ADAMTS7: variants seen among roughly 807,000 people sequenced by gnomAD.
ADAMTS7 encodes ADAM metallopeptidase with thrombospondin type 1 motif 7.
In ADAMTS7, 89 loss-of-function variants were observed where a neutral mutation model predicts 172.6. The ratio of observed to expected loss-of-function variants is 0.52; its 90% CI spans 0.43 to 0.61. The LOEUF (loss-of-function observed/expected upper bound fraction) is 0.61. Among genes scored for constraint, ADAMTS7 ranks in the 20% least tolerant of loss-of-function variants. The pLI, the probability that ADAMTS7 is intolerant of heterozygous loss-of-function variation, is 0.00. For missense variants in ADAMTS7, 1,973 were observed against 2,355.6 expected (o/e 0.84, Z 3.36); for synonymous variants, 885 against 978.4 (o/e 0.90, Z 1.78).
In ADAMTS7 at chr15:78,767,698, A is replaced by C. The variant is rs2055179988; in HGVS notation, c.2646-106T>G. 8 of 1,092,162 alleles carry C rather than the reference A, an allele frequency of 7.3e-6. No homozygotes were observed. In the East Asian group the frequency reaches 2.1e-4, roughly 28 times the overall value. 67.7% of individuals were successfully genotyped at this position (1,092,162 alleles called of 1,614,324 possible). ...GCTTCCAGGCCCTCGGCATTTGGGT[A>C]GAGCTGGGACTGAGGCCAGTGGTTG... On this transcript the variant is annotated intron_variant, in intron 17 of 23. Coordinates refer to ENST00000388820, the MANE Select transcript of ADAMTS7 (RefSeq NM_014272.5).
rs2055667715 is a variant in ADAMTS7, at chr15:78,797,934, G to A, written c.622+14C>T. The A allele has an allele frequency of 1.9e-6, 3 of 1,593,756 alleles. No individual in the cohort carries two copies. The highest frequency in any genetic ancestry group is 1.7e-6 in the Non-Finnish European group (2 of 1,173,684). ...CCCAGCACCCACCCGAGAACTGGGA[G>A]CAGAAGAGCATACCTTGCACTCCAC... On this transcript the variant is annotated intron_variant, in intron 3 of 23. Coordinates refer to ENST00000388820, the MANE Select transcript of ADAMTS7 (RefSeq NM_014272.5).
chr15:78,802,200 G>C (rs185888705), intron 1 of ADAMTS7, among the ~76,000 whole-genome samples: 11 of 152,086 alleles, frequency 7.2e-5, no homozygotes, highest in Admixed American at 7.2e-4. Flanking sequence ...TCCTTTTTTG[G>C]TATTTATTGA....
intron 6 of ADAMTS7, 72 bp downstream of exon 6, chr15:78,790,598 C>T: frequency 6.3e-7 from 1 of 1,586,118 alleles, no homozygotes; most frequent in Non-Finnish European, 8.6e-7. Context: ...CCCTCCTCCA[C>T]CAGGGCTTCT....
At position 78,797,460 on chromosome 15, in the gene ADAMTS7, C is replaced by T. The variant is rs1407376213; in HGVS notation, c.622+488G>A. 6.6e-5 allele frequency among the ~76,000 whole-genome samples: 10 copies of T among 152,374 alleles called. No homozygotes were observed. In the East Asian group the frequency reaches 9.6e-4, roughly 15 times the overall value. On this transcript the variant is annotated intron_variant, in intron 3 of 23. Transcript: ENST00000388820. ...CAGGCAGCTCCTCACCTGGACTGGC[C>T]GGCACTACTGCTGCTCTGCAGAGGA...
chr15:78,774,501 A>T lies in ADAMTS7; in HGVS notation c.1876+123T>A, dbSNP rs2035731577. On this transcript the variant is annotated intron_variant, in intron 12 of 23. Transcript: ENST00000388820. ...TAGGGGCGAGCAGCAGCCCCAGGGGACAGTGGGAGTGGCCCAGGCTTGGGG... is the reference window on the plus strand; with the variant it reads ...TAGGGGCGAGCAGCAGCCCCAGGGGTCAGTGGGAGTGGCCCAGGCTTGGGG... The T allele has an allele frequency of 1.0e-5, 15 of 1,491,288 alleles. No individual in the cohort carries two copies. In the South Asian group the frequency reaches 1.8e-4, roughly 18 times the overall value. 92.4% of individuals were successfully genotyped at this position (1,491,288 alleles called of 1,614,324 possible).
Position 78,776,666 on chromosome 15 carries a change from G to A in ADAMTS7, c.1560+83C>T, listed in dbSNP as rs1041101723. ...GCTAGGAGCACAAGCAAGACTGTGA[G>A]CCGGGGCTGACCCCAGGGCCTGGTC... is the stretch of plus-strand genomic sequence containing the variant. On this transcript the variant is annotated intron_variant, in intron 10 of 23. Coordinates refer to ENST00000388820, the MANE Select transcript of ADAMTS7 (RefSeq NM_014272.5). 2.1e-5 allele frequency: 28 copies of A among 1,352,654 alleles called. No homozygotes were observed. The African/African-American group carries it at 3.7e-4, about 18-fold the overall frequency. 83.8% of individuals were successfully genotyped at this position (1,352,654 alleles called of 1,614,324 possible).
chr15:78,809,558 A>C (rs1005605829), intron 1 of ADAMTS7, among the ~76,000 whole-genome samples: 3 of 152,146 alleles, frequency 2.0e-5, no homozygotes, highest in African/African-American at 7.2e-5. Flanking sequence ...TGACCACTAC[A>C]TTGTAGTCAC....
chr15:78,806,153 A>C (rs1237455523), intron 1 of ADAMTS7, among the ~76,000 whole-genome samples: 3 of 120,934 alleles, frequency 2.5e-5, no homozygotes, highest in African/African-American at 3.5e-5. Flanking sequence ...AAAAAAAAAA[A>C]AACAGAAAAA....
At chr15:78,779,765 T>C (rs1300024006) in intron 8 of ADAMTS7, among the ~76,000 whole-genome samples, 1 of 152,194 alleles carries the variant, frequency 6.6e-6, no homozygotes, top group Non-Finnish European at 1.5e-5. Context: ...AGGGGTCCAA[T>C]GCACCTCATC....
intron 1 of ADAMTS7, among the ~76,000 whole-genome samples, chr15:78,802,519 A>G (rs1447816688): frequency 1.3e-5 from 2 of 152,224 alleles, no homozygotes; most frequent in African/African-American, 2.4e-5. Flanking sequence ...ACATGCAAGA[A>G]TTCATTTAAA....
chr15:78,771,203 T>C lies in ADAMTS7; in HGVS notation c.2477A>G (p.His826Arg), dbSNP rs759038449. 1 of 1,611,780 alleles carries C rather than the reference T, an allele frequency of 6.2e-7. No homozygotes were observed. The highest frequency in any genetic ancestry group is 1.7e-5 in the Admixed American group (1 of 59,950). ...TGTGCACTTGGTCCAGGGCCCATAA[T>C]GCCAGGAGAACACGGGCGGCGGGAC... is the stretch of plus-strand genomic sequence containing the variant. ...DEVPPPVFSW[H>R]YGPWTKCTVT... The change falls in exon 16 of 24, where the codon CAT becomes CGT. Residue 826 changes from histidine to arginine, a missense_variant. Physicochemically the swap from His to Arg is conservative, Grantham distance 29. Around this residue, in one of 8 missense-constraint regions of ADAMTS7, gnomAD observed 771 missense variants for 952.6 expected, o/e 0.81. Transcript: ENST00000388820. The surrounding 1 kb of genome is among the most constrained non-coding windows in gnomAD (Gnocchi z 4.9).
Position 78,765,709 on chromosome 15 carries a change from G to A in ADAMTS7, c.4202C>T (p.Ala1401Val), listed in dbSNP as rs753910469. 2.3e-4 allele frequency: 367 copies of A among 1,610,588 alleles called. No homozygotes were observed. The highest frequency in any genetic ancestry group is 2.8e-4 in the Non-Finnish European group (336 of 1,179,762). Residue 1401 changes from alanine to valine, a missense_variant, in exon 19 of 24, where the codon GCG (alanine) becomes GTG (valine). Coordinates refer to ENST00000388820, the MANE Select transcript of ADAMTS7 (RefSeq NM_014272.5). ...AACCAACGGGTCCGCGGGGGGCCCC[G>A]CTTCAGCCAGGCTGGGAGCCAGCGG... Reference protein sequence around the residue: ...TQPLAPSLAEAGPPADPLVVR... With the variant: ...TQPLAPSLAEVGPPADPLVVR...
At chr15:78,788,777 G>A (rs2055540674) in intron 7 of ADAMTS7, among the ~76,000 whole-genome samples, 1 of 152,226 alleles carries the variant, frequency 6.6e-6, no homozygotes, top group Non-Finnish European at 1.5e-5. Context: ...CTGTGCACTT[G>A]AGTTAAGGGA....
Position 78,761,964 on chromosome 15 carries a change from T to G in ADAMTS7, c.4903+439A>C, listed in dbSNP as rs1042337473. 3.0e-6 allele frequency: 3 copies of G among 985,248 alleles called. No individual in the cohort carries two copies. The African/African-American group carries it at 5.2e-5, about 17-fold the overall frequency. 61.0% of individuals were successfully genotyped at this position (985,248 alleles called of 1,614,324 possible). ...GAGGCCCTTCCTGTGGTTCCATTGC[T>G]CACTCTAGGCAGTCCTCTAGCCAGG... On this transcript the variant is annotated intron_variant, in intron 23 of 23. Coordinates refer to ENST00000388820, the MANE Select transcript of ADAMTS7 (RefSeq NM_014272.5).
At chr15:78,810,946 G>T in intron 1 of ADAMTS7, 175 bp downstream of exon 1, 1 of 688,476 alleles carries the variant, frequency 1.5e-6, no homozygotes. Context: ...CTTCGCTCCC[G>T]GCCCGGCCCG....
At chr15:78,769,014 G>A (rs1596177161) in intron 16 of ADAMTS7, among the ~76,000 whole-genome samples, 1 of 152,156 alleles carries the variant, frequency 6.6e-6, no homozygotes, top group Admixed American at 6.5e-5. Flanking sequence ...TGGAGGAGCC[G>A]CTGCCTGAGC....
chr15:78,759,458 G>A lies in ADAMTS7; in HGVS notation c.5024C>T (p.Ala1675Val). ...AACCCGCTGATGGCCTCGGGAGGGGGCGCCGTGGCTGGGCGGAGAGCACGA... is the reference window on the plus strand; with the variant it reads ...AACCCGCTGATGGCCTCGGGAGGGGACGCCGTGGCTGGGCGGAGAGCACGA... ...CRSCSPPSHG[A>V]PSRGHQRVAR... Residue 1675 changes from alanine to valine, a missense_variant, in exon 24 of 24, where the codon GCC becomes GTC. By Grantham distance (64) the Ala-to-Val change is moderately conservative. Around this residue, in one of 8 missense-constraint regions of ADAMTS7, gnomAD observed 94 missense variants for 95.4 expected, o/e 0.99. Transcript: ENST00000388820. The A allele has an allele frequency of 1.9e-6, 3 of 1,596,532 alleles. No homozygotes were observed. Among genetic ancestry groups the A allele is most frequent in the South Asian group, 2.2e-5 (2 of 90,296 alleles).
chr15:78,789,595 T>C, intron 7 of ADAMTS7, 94 bp downstream of exon 7: 1 of 1,515,424 alleles, frequency 6.6e-7, no homozygotes. Context: ...TCCTTTCCCC[T>C]GGACTTTGTG....
intron 8 of ADAMTS7, among the ~76,000 whole-genome samples, chr15:78,783,224 G>A (rs1803174756): frequency 6.6e-6 from 1 of 152,192 alleles, no homozygotes; most frequent in Non-Finnish European, 1.5e-5. Context: ...TGCACAATGA[G>A]TATCTCTGCA....
Sources: gnomAD v4.1 joint callset for allele counts (sites outside exome capture counted in the v4.1 genomes callset) on GRCh38, gnomAD v4.1.1 for gene constraint, gnomAD v4.1.1 regional missense constraint, Gnocchi (gnomAD v3.1) non-coding constraint, MANE v1.5 for transcripts, NCBI Gene and HGNC (gene_info 2026-07-23, HGNC 2026-07-21) for gene names.